Variants in SPNS3 observed in about 807,000 individuals in gnomAD.
SPNS3 encodes protein spinster homolog 3.
Under a neutral mutation model 54.4 loss-of-function variants are expected in SPNS3, and 51 were observed. The ratio of observed to expected loss-of-function variants is 0.94; its 90% CI spans 0.75 to 1.18. The LOEUF is 1.18. SPNS3 is among the 50% of genes most tolerant of loss of function. The pLI is 0.00. For missense variants in SPNS3, 669 were observed against 677.4 expected, an observed-to-expected ratio of 0.99 and a Z score of 0.14; for synonymous variants, 309 against 294.7, an observed-to-expected ratio of 1.05 and a Z score of -0.50.
chr17:4,445,659 G>A (rs1597307091), intron 3 of SPNS3, among the ~76,000 whole-genome samples: 1 of 152,136 alleles, frequency 6.6e-6, no homozygotes, highest in Non-Finnish European at 1.5e-5. Context: ...TTACAGGCGT[G>A]AGCCACCATG....
chr17:4,470,094 T>C lies in SPNS3; in HGVS notation c.1114-8478T>C, dbSNP rs539683289. 1.4e-4 allele frequency among the ~76,000 whole-genome samples: 21 copies of C among 152,244 alleles called. No individual in the cohort carries two copies. In the South Asian group the frequency reaches 4.4e-3, roughly 32 times the overall value. ...AAATAGTTTTATTAAACTGGGGTTATATAGTAGTGCAATTTTTAAAAACAG... is the reference window on the plus strand; with the variant it reads ...AAATAGTTTTATTAAACTGGGGTTACATAGTAGTGCAATTTTTAAAAACAG... On this transcript the variant is annotated intron_variant, in intron 8 of 11. Transcript: ENST00000355530.
intron 8 of SPNS3, among the ~76,000 whole-genome samples, chr17:4,457,945 G>A (rs1971357979): frequency 1.3e-5 from 2 of 152,140 alleles, no homozygotes; most frequent in Non-Finnish European, 2.9e-5. Context: ...GCTGGGTCTG[G>A]CATGGTACCC....
At chr17:4,458,609 CTT>C (rs1224675427) in intron 8 of SPNS3, among the ~76,000 whole-genome samples, 1 of 105,734 alleles carries the variant, frequency 9.5e-6, no homozygotes, top group Non-Finnish European at 2.0e-5. Flanking sequence ...TTCTTTCTTT[CTT>C]TCTTTCTTTC....
At chr17:4,436,128 T>C (rs1359025690) in intron 1 of SPNS3, among the ~76,000 whole-genome samples, 1 of 152,094 alleles carries the variant, frequency 6.6e-6, no homozygotes, top group Non-Finnish European at 1.5e-5. Flanking sequence ...AGATAGAGGC[T>C]GGTTGATGGC....
rs143303039 is a variant in SPNS3, at chr17:4,487,922, C to G, written c.*28C>G. 189 of 1,602,664 alleles carry G rather than the reference C, an allele frequency of 1.2e-4. No homozygotes were observed. In the African/African-American group the frequency reaches 1.9e-3, roughly 16 times the overall value. On this transcript the variant is annotated 3_prime_UTR_variant, in exon 12 of 12. Transcript: ENST00000355530. The stretch of plus-strand genomic sequence containing the variant: ...TCCCTGCCTACACTCGTCCTGCCTG[C>G]AAGCCTCCCGTTGGTCCCCACAGCA...
At chr17:4,474,502 CAG>C (rs1364782773) in intron 8 of SPNS3, among the ~76,000 whole-genome samples, 3 of 152,116 alleles carry the variant, frequency 2.0e-5, no homozygotes, top group Non-Finnish European at 4.4e-5. Context: ...CTTTGCAGTT[CAG>C]AGTCAGTTAC....
chr17:4,472,778 T>A (rs1304797219), intron 8 of SPNS3, among the ~76,000 whole-genome samples: 3 of 27,092 alleles, frequency 1.1e-4, no homozygotes, highest in African/African-American at 9.0e-4. Flanking sequence ...GGCAGCCTTT[T>A]TTTTTTTTTT....
chr17:4,438,898 G>A (rs1442669119), intron 1 of SPNS3, among the ~76,000 whole-genome samples: 3 of 152,114 alleles, frequency 2.0e-5, no homozygotes, highest in Non-Finnish European at 4.4e-5. Context: ...GTGTCTGGGT[G>A]TATGAGTGAG....
At chr17:4,456,614 C>T (rs12103468) in intron 8 of SPNS3, among the ~76,000 whole-genome samples, 1 of 152,166 alleles carries the variant, frequency 6.6e-6, no homozygotes, top group Non-Finnish European at 1.5e-5. Context: ...CAACCTCTAC[C>T]TTTCAGGTTC....
rs1329589083 is a variant in SPNS3, at chr17:4,439,639, A to G, written c.200-19A>G. The G allele has an allele frequency of 1.2e-6, 2 of 1,610,548 alleles. No homozygotes were observed. Among genetic ancestry groups the G allele is most frequent in the East Asian group, 2.2e-5 (1 of 44,866 alleles). ...GAGGGCTACTTCCCGTTTCCTGAGC[A>G]CTGTCCCTCTGTCTGCAGGAGTGCT... On this transcript the variant is annotated intron_variant, in intron 1 of 11. Transcript: ENST00000355530.
At chr17:4,448,031 A>T (rs1221439719) in intron 5 of SPNS3, 124 bp from the exon 6 acceptor site, 4 of 955,662 alleles carry the variant, frequency 4.2e-6, no homozygotes, top group East Asian at 6.2e-5. Flanking sequence ...GGTCACCCCC[A>T]CTACCCCCAG....
In SPNS3 at chr17:4,445,016, T is replaced by A. The variant is rs1182996342; in HGVS notation, c.266-16T>A. On this transcript the variant is annotated splice_polypyrimidine_tract_variant and intron_variant, in intron 2 of 11. Coordinates refer to ENST00000355530, the MANE Select transcript of SPNS3 (RefSeq NM_182538.5). ...GTCGTGGGGGGATCCAGGCTGCCCC[T>A]GTGTGTCTCCTTCAGTCTTCGTTAG... 10 of 1,610,636 alleles carry A rather than the reference T, an allele frequency of 6.2e-6. No individual in the cohort carries two copies. The highest frequency in any genetic ancestry group is 8.5e-6 in the Non-Finnish European group (10 of 1,178,034).
chr17:4,474,199 C>T (rs1246618258), intron 8 of SPNS3, among the ~76,000 whole-genome samples: 1 of 152,252 alleles, frequency 6.6e-6, no homozygotes, highest in Non-Finnish European at 1.5e-5. Flanking sequence ...TCAGTCCCCA[C>T]CTGCCTGCCC....
Position 4,438,940 on chromosome 17 carries a change from C to CTGTG in SPNS3, c.200-696_200-693dup, listed in dbSNP as rs35255085. Among the ~76,000 whole-genome samples, 401 of 149,382 alleles carry CTGTG rather than the reference C, an allele frequency of 2.7e-3. 1 individual carries two copies. The highest frequency in any genetic ancestry group is 7.8e-3 in the African/African-American group (317 of 40,516). ...TGTACATGTCTGTGAGAGTGAGTTCCTGTGTGTGTGTGTGTGTGTGTGTGT... is the reference window on the plus strand; with the variant it reads ...TGTACATGTCTGTGAGAGTGAGTTCCTGTGTGTGTGTGTGTGTGTGTGTGTGTGT... On this transcript the variant is annotated intron_variant, in intron 1 of 11. Transcript: ENST00000355530.
chr17:4,449,128 G>A, intron 6 of SPNS3, 107 bp from the exon 7 acceptor site: 1 of 1,296,240 alleles, frequency 7.7e-7, no homozygotes, highest in Non-Finnish European at 1.1e-6. Context: ...TGAAGGTAAT[G>A]AGACAAGATG....
At chr17:4,487,097 G>A (rs1231535193) in intron 11 of SPNS3, among the ~76,000 whole-genome samples, 6 of 150,904 alleles carry the variant, frequency 4.0e-5, no homozygotes, top group Non-Finnish European at 7.4e-5. Flanking sequence ...ACTTGAACCC[G>A]GGAGGCGGAG....
intron 8 of SPNS3, among the ~76,000 whole-genome samples, chr17:4,471,703 T>C (rs1971858178): frequency 6.6e-6 from 1 of 152,034 alleles, no homozygotes; most frequent in African/African-American, 2.4e-5. Flanking sequence ...TCGGCTCAAG[T>C]GATCCACCCT....
At chr17:4,459,883 A>G (rs1260872313) in intron 8 of SPNS3, among the ~76,000 whole-genome samples, 1 of 152,200 alleles carries the variant, frequency 6.6e-6, no homozygotes, top group Non-Finnish European at 1.5e-5. Context: ...AGATAATAAT[A>G]AAGGCTTAGG....
intron 2 of SPNS3, 130 bp from the exon 3 acceptor site, chr17:4,444,902 C>T: frequency 9.0e-7 from 1 of 1,111,766 alleles, no homozygotes; most frequent in Non-Finnish European, 1.3e-6. Flanking sequence ...TTTTCTTCCT[C>T]ATACCCTGGG....
Sources: allele counts gnomAD v4.1 joint callset (sites outside exome capture counted in the v4.1 genomes callset), GRCh38; gene constraint gnomAD v4.1.1; transcripts MANE v1.5; gene names NCBI Gene and HGNC (gene_info 2026-07-23, HGNC 2026-07-21).